Variants in CAMK4 observed in about 807,000 individuals in gnomAD.
CAMK4 encodes the protein calcium/calmodulin dependent protein kinase IV.
A neutral mutation model predicts 44.9 loss-of-function variants in CAMK4; 22 were observed. The observed-to-expected ratio is 0.49, with a 90% CI of 0.35 to 0.70. The LOEUF is 0.70. CAMK4 is among the 30% of genes least tolerant of loss of function. The pLI is 0.01. For synonymous variants in CAMK4, 218 were observed against 215.4 expected (o/e 1.01, Z -0.11); for missense variants, 498 against 586.8 (o/e 0.85, Z 1.56).
chr5:111,376,732 G>A (rs2112826765), intron 3 of CAMK4, 128 bp from the exon 4 acceptor site: 3 of 471,854 alleles, frequency 6.4e-6, no homozygotes, highest in Middle Eastern at 4.2e-4. Context: ...AAAAGAATGA[G>A]GAAACTTTAT....
chr5:111,424,032 C>T (rs1368351476), intron 5 of CAMK4, among the ~76,000 whole-genome samples: 1 of 152,194 alleles, frequency 6.6e-6, no homozygotes, highest in African/African-American at 2.4e-5. Flanking sequence ...GATTAGAACC[C>T]TAAATAAGTG....
intron 2 of CAMK4, among the ~76,000 whole-genome samples, chr5:111,358,549 C>T (rs937854209): frequency 2.0e-5 from 3 of 151,514 alleles, no homozygotes; most frequent in Non-Finnish European, 2.9e-5. Flanking sequence ...CTGTCACTGG[C>T]AGGATTTTTC....
At chr5:111,357,858 G>A (rs905175401) in intron 2 of CAMK4, 5 of 152,066 alleles carry the variant, frequency 3.3e-5, no homozygotes, top group African/African-American at 1.2e-4. Context: ...CCCCAAGGAA[G>A]TATTTTTCTT....
chr5:111,274,337 T>A (rs1750666823), intron 1 of CAMK4, among the ~76,000 whole-genome samples: 1 of 152,194 alleles, frequency 6.6e-6, no homozygotes, highest in Non-Finnish European at 1.5e-5. Context: ...TATTTCTTCA[T>A]TGTCTGTCTT....
chr5:111,245,654 C>T (rs1002903832), intron 1 of CAMK4, among the ~76,000 whole-genome samples: 1 of 152,078 alleles, frequency 6.6e-6, no homozygotes, highest in Non-Finnish European at 1.5e-5. Flanking sequence ...CAACTGATTC[C>T]CTGATCTAAT....
chr5:111,282,400 G>T (rs1446808444), intron 1 of CAMK4, among the ~76,000 whole-genome samples: 1 of 151,322 alleles, frequency 6.6e-6, no homozygotes, highest in East Asian at 2.0e-4. Flanking sequence ...ATTGCTCTTG[G>T]CCAATTTTTC....
chr5:111,330,776 G>A (rs929207783), intron 1 of CAMK4, among the ~76,000 whole-genome samples: 13 of 151,592 alleles, frequency 8.6e-5, no homozygotes, highest in South Asian at 2.1e-4. Context: ...GTAGTGAGGC[G>A]TTGGCATAAC....
At chr5:111,435,871 A>G (rs943520157) in intron 5 of CAMK4, among the ~76,000 whole-genome samples, 3 of 151,814 alleles carry the variant, frequency 2.0e-5, no homozygotes, top group African/African-American at 7.3e-5. Flanking sequence ...TATCCTCTTA[A>G]TCTCAACATC....
chr5:111,260,136 T>A (rs1405881565), intron 1 of CAMK4, among the ~76,000 whole-genome samples: 2 of 152,178 alleles, frequency 1.3e-5, no homozygotes, highest in African/African-American at 4.8e-5. Flanking sequence ...CTGAAGGTCA[T>A]GTCTGTTCAC....
rs1755665771 is a variant in CAMK4, at chr5:111,487,326, T to C, written c.*2860T>C. 1 of 152,222 alleles carries C rather than the reference T, an allele frequency of 6.6e-6. No homozygotes were observed. 9.4% of individuals were successfully genotyped at this position (152,222 alleles called of 1,614,324 possible). ...CAGCTACATAGCATAAACTAGGTTTTTTTTTATAACCATGAAGGACAGTCT... is the reference window on the plus strand; with the variant it reads ...CAGCTACATAGCATAAACTAGGTTTCTTTTTATAACCATGAAGGACAGTCT... On this transcript the variant is annotated 3_prime_UTR_variant, in exon 11 of 11. Coordinates refer to ENST00000282356, the MANE Select transcript of CAMK4 (RefSeq NM_001744.6).
chr5:111,384,669 C>G lies in CAMK4; in HGVS notation c.386+7727C>G, dbSNP rs534994313. 1.1e-3 allele frequency among the ~76,000 whole-genome samples: 170 copies of G among 152,108 alleles called. 1 individual carries two copies. Among genetic ancestry groups the G allele is most frequent in the Non-Finnish European group, 1.4e-3 (95 of 68,008 alleles). ...TTCCTTTAGATTCTCCTTCTCTATT[C>G]CCTATAATTCTTCCTCTGAGCAGCT... is the stretch of plus-strand genomic sequence containing the variant. On this transcript the variant is annotated intron_variant, in intron 4 of 10. Transcript: ENST00000282356.
intron 5 of CAMK4, among the ~76,000 whole-genome samples, chr5:111,405,941 A>G (rs1345547811): frequency 6.6e-6 from 1 of 152,212 alleles, no homozygotes; most frequent in Non-Finnish European, 1.5e-5. Context: ...TGAGTGTTAC[A>G]TATATGAAGA....
At chr5:111,396,628 A>ATTTTTTTTT (rs1210775733) in intron 5 of CAMK4, among the ~76,000 whole-genome samples, 20 of 41,268 alleles carry the variant, frequency 4.8e-4, no homozygotes, top group Non-Finnish European at 8.5e-4. Flanking sequence ...ATTAACTCAT[A>ATTTTTTTTT]TTCTTTTTTT....
chr5:111,372,793 C>G (rs1320565021), intron 2 of CAMK4, among the ~76,000 whole-genome samples: 1 of 152,152 alleles, frequency 6.6e-6, no homozygotes, highest in Admixed American at 6.6e-5. Context: ...TGGGTTAGCA[C>G]TGGATGTATC....
intron 1 of CAMK4, among the ~76,000 whole-genome samples, chr5:111,249,069 A>G (rs1407608244): frequency 6.6e-6 from 1 of 152,220 alleles, no homozygotes. Flanking sequence ...CACTGGCTCA[A>G]TCTGAAGCGA....
chr5:111,370,060 A>G (rs1326073793), intron 2 of CAMK4, among the ~76,000 whole-genome samples: 7 of 152,304 alleles, frequency 4.6e-5, no homozygotes, highest in African/African-American at 1.7e-4. Context: ...AAGGGCCTCA[A>G]GAACCTGCAG....
At chr5:111,392,455 G>T (rs1162521200) in intron 4 of CAMK4, among the ~76,000 whole-genome samples, 3 of 151,892 alleles carry the variant, frequency 2.0e-5, no homozygotes, top group African/African-American at 7.3e-5. Flanking sequence ...GATTTGGGTG[G>T]GAACACAAAT....
At chr5:111,319,516 A>G (rs925748699) in intron 1 of CAMK4, among the ~76,000 whole-genome samples, 58 of 152,148 alleles carry the variant, frequency 3.8e-4, no homozygotes, top group African/African-American at 1.4e-3. Context: ...AGCTCCAGTT[A>G]TATATTCCAG....
At chr5:111,458,682 A>G (rs1468938815) in intron 7 of CAMK4, among the ~76,000 whole-genome samples, 1 of 152,216 alleles carries the variant, frequency 6.6e-6, no homozygotes, top group Non-Finnish European at 1.5e-5. Flanking sequence ...CAGTTTAAAC[A>G]AGGTAATTAA....
Sources: allele counts gnomAD v4.1 joint callset (sites outside exome capture counted in the v4.1 genomes callset), GRCh38; gene constraint gnomAD v4.1.1; transcripts MANE v1.5; gene names NCBI Gene and HGNC (gene_info 2026-07-23, HGNC 2026-07-21).